The following NEDD4 variants were observed in gnomAD, a reference collection of about 807,000 sequenced individuals.
NEDD4 encodes E3 ubiquitin-protein ligase NEDD4.
A neutral mutation model predicts 144.9 loss-of-function variants in NEDD4; 99 were observed. That is an observed-to-expected ratio of 0.68 (90% CI 0.58 to 0.81). The LOEUF (loss-of-function observed/expected upper bound fraction) is 0.81. NEDD4 is among the 30% of genes least tolerant of loss of function. The pLI is 0.00. For synonymous variants in NEDD4, 318 were observed against 350.6 expected, an observed-to-expected ratio of 0.91 and a Z score of 1.04; for missense variants, 985 against 1,065.9, an observed-to-expected ratio of 0.92 and a Z score of 1.06.
At chr15:55,838,711 A>G (rs8028559) in intron 21 of NEDD4, 107 bp from the exon 22 acceptor site, 252,446 of 671,820 alleles carry the variant, frequency 0.38, 48,905 homozygotes, top group African/African-American at 0.52. Context: ...ATGAGAGGTC[A>G]GATGGACATC....
At chr15:55,927,498 T>G (rs897463399) in intron 4 of NEDD4, among the ~76,000 whole-genome samples, 3 of 152,102 alleles carry the variant, frequency 2.0e-5, no homozygotes, top group Admixed American at 6.5e-5. Context: ...GGTCTCACTG[T>G]GTTGCCTAGG....
rs1282776975 is a variant in NEDD4 at position 55,829,806 on chromosome 15, C to T, written c.*91G>A. ...TTCAAGATCTGGGAAGACTCAGTGG[C>T]CACATTTTAGTAGTTCCCCGGAAAA... On this transcript the variant is annotated 3_prime_UTR_variant, in exon 29 of 29. Coordinates refer to ENST00000435532, the MANE Select transcript of NEDD4 (RefSeq NM_006154.4). 2 of 818,128 alleles carry T rather than the reference C, an allele frequency of 2.4e-6. No homozygotes were observed. Among genetic ancestry groups the T allele is most frequent in the African/African-American group, 1.7e-5 (1 of 58,320 alleles). The allele number at this position is 818,128 out of a possible 1,614,324, so 50.7% of individuals were successfully genotyped here.
chr15:55,935,884 C>T (rs2036880533), intron 4 of NEDD4, among the ~76,000 whole-genome samples: 1 of 147,730 alleles, frequency 6.8e-6, no homozygotes, highest in South Asian at 2.2e-4. Flanking sequence ...GCAAAAAGCT[C>T]TCCCTTTTCA....
intron 5 of NEDD4, among the ~76,000 whole-genome samples, chr15:55,884,484 T>C (rs1476958026): frequency 6.6e-6 from 1 of 152,044 alleles, no homozygotes; most frequent in African/African-American, 2.4e-5. Context: ...GAAACAGAGA[T>C]ATATGTGACC....
intron 5 of NEDD4, among the ~76,000 whole-genome samples, chr15:55,906,048 C>T (rs1347163815): frequency 4.6e-5 from 7 of 152,070 alleles, no homozygotes; most frequent in Admixed American, 4.6e-4. Context: ...TCATCACTGG[C>T]CATCAGAGAA....
intron 4 of NEDD4, among the ~76,000 whole-genome samples, chr15:55,942,461 ATAG>A (rs2037025174): frequency 1.3e-5 from 2 of 152,286 alleles, no homozygotes; most frequent in African/African-American, 4.8e-5. Flanking sequence ...TGCTCTGGTG[ATAG>A]TAAGCGACTT....
intron 5 of NEDD4, among the ~76,000 whole-genome samples, chr15:55,918,585 T>C (rs1186089221): frequency 1.3e-5 from 2 of 148,168 alleles, no homozygotes; most frequent in East Asian, 3.9e-4. Flanking sequence ...CATACTTTGT[T>C]AAAAAAAAAA....
intron 8 of NEDD4, 96 bp from the exon 9 acceptor site, chr15:55,863,175 CAA>C (rs1248502163): frequency 1.8e-6 from 2 of 1,123,620 alleles, no homozygotes; most frequent in South Asian, 2.4e-5. Context: ...TTTATTATAT[CAA>C]GTTTTAGAAA....
At chr15:55,984,838 C>T (rs765403235) in intron 1 of NEDD4, among the ~76,000 whole-genome samples, 1 of 152,186 alleles carries the variant, frequency 6.6e-6, no homozygotes, top group Non-Finnish European at 1.5e-5. Flanking sequence ...GAAGAAGTAA[C>T]ATCAATTGCC....
intron 9 of NEDD4, among the ~76,000 whole-genome samples, chr15:55,861,337 A>G (rs2034397312): frequency 6.6e-6 from 1 of 152,176 alleles, no homozygotes; most frequent in Non-Finnish European, 1.5e-5. Flanking sequence ...TGTTTTTCGT[A>G]ATATACAGTC....
rs977942162 is a variant in NEDD4, at chr15:55,872,488, T to C, written c.343-12A>G. On this transcript the variant is annotated splice_polypyrimidine_tract_variant and intron_variant, in intron 6 of 28. Transcript: ENST00000435532. ...CTTGGATTTTCTGTCTAGAATAAAA[T>C]AGTGGGTTTTCAAAATATATCTATA... 2.2e-6 allele frequency: 3 copies of C among 1,352,350 alleles called. No homozygotes were observed. Among genetic ancestry groups the C allele is most frequent in the East Asian group, 2.7e-5 (1 of 36,424 alleles). The allele number at this position is 1,352,350 out of a possible 1,614,324, so 83.8% of individuals were successfully genotyped here.
chr15:55,983,023 G>A (rs747317721), intron 1 of NEDD4, among the ~76,000 whole-genome samples: 2 of 152,118 alleles, frequency 1.3e-5, no homozygotes, highest in East Asian at 1.9e-4. Context: ...TCGGGAGGCT[G>A]AGGGAGGAGA....
intron 9 of NEDD4, among the ~76,000 whole-genome samples, chr15:55,861,826 C>T (rs180894609): frequency 2.1e-4 from 32 of 152,114 alleles, no homozygotes; most frequent in East Asian, 9.6e-4. Flanking sequence ...TTATTTAATG[C>T]GACATGAGCT....
At chr15:55,918,332 C>G (rs2036503320) in intron 5 of NEDD4, among the ~76,000 whole-genome samples, 1 of 151,934 alleles carries the variant, frequency 6.6e-6, no homozygotes, top group South Asian at 2.1e-4. Context: ...ATGCCATAGA[C>G]CAAGGTTGGT....
rs769025252 is a variant in NEDD4, at chr15:55,860,433, CT to C, written c.933del (p.Ala312ProfsTer2). The C allele has an allele frequency of 3.7e-6, 6 of 1,614,078 alleles. No individual in the cohort carries two copies. In the Middle Eastern group the frequency reaches 6.6e-4, roughly 178 times the overall value. ...GAGCTCGATGCTGGCTGGCTCACGG[CT>C]GAATTTCCAAAAATGGTGAGTCTGG... ...LNARLTIFGN[S>X]AVSQPASSSN... On this transcript the variant is annotated frameshift_variant, in exon 11 of 29. Coordinates refer to ENST00000435532, the MANE Select transcript of NEDD4 (RefSeq NM_006154.4). LOFTEE classifies it high-confidence loss of function.
intron 4 of NEDD4, among the ~76,000 whole-genome samples, chr15:55,927,954 G>A (rs2036706344): frequency 6.6e-6 from 1 of 152,162 alleles, no homozygotes; most frequent in Admixed American, 6.6e-5. Flanking sequence ...ATATTGCTAA[G>A]AAACTAATCT....
intron 2 of NEDD4, among the ~76,000 whole-genome samples, chr15:55,966,107 C>T (rs1454481079): frequency 6.6e-6 from 1 of 152,182 alleles, no homozygotes; most frequent in Non-Finnish European, 1.5e-5. Context: ...AACATGAACT[C>T]CCCACCAGAA....
intron 18 of NEDD4, among the ~76,000 whole-genome samples, chr15:55,843,423 T>G (rs533467416): frequency 6.6e-6 from 1 of 152,366 alleles, no homozygotes; most frequent in East Asian, 1.9e-4. Context: ...CTACATTGCC[T>G]CACTAATCTT....
At chr15:55,856,542 A>G (rs1484271476) in intron 11 of NEDD4, among the ~76,000 whole-genome samples, 1 of 152,092 alleles carries the variant, frequency 6.6e-6, no homozygotes, top group African/African-American at 2.4e-5. Context: ...TTACAATGGC[A>G]GCAATATCCT....
Sources: gnomAD v4.1 joint callset for allele counts (sites outside exome capture counted in the v4.1 genomes callset) on GRCh38, gnomAD v4.1.1 for gene constraint, MANE v1.5 for transcripts, NCBI Gene and HGNC (gene_info 2026-07-23, HGNC 2026-07-21) for gene names.